The following CBFA2T3 variants were observed in gnomAD, a reference collection of about 807,000 sequenced individuals.
CBFA2T3 encodes transcriptional corepressor CBFA2T3.
Under a neutral mutation model 58.6 loss-of-function variants are expected in CBFA2T3, and 31 were observed. The ratio of observed to expected loss-of-function variants is 0.53; its 90% confidence interval spans 0.40 to 0.71. The LOEUF is 0.71. Ranked by LOEUF, CBFA2T3 falls within the 30% of genes least tolerant of loss-of-function variation. The pLI is 0.00. For missense variants in CBFA2T3, 1,076 were observed against 963.1 expected, an observed-to-expected ratio of 1.12 and a Z score of -1.55; for synonymous variants, 531 against 421.9, an observed-to-expected ratio of 1.26 and a Z score of -3.17.
In CBFA2T3 at chr16:88,976,604, A is replaced by C. The variant is rs1048040938; in HGVS notation, c.151+53T>G. On this transcript the variant is annotated intron_variant, in intron 1 of 11. Coordinates refer to ENST00000268679, the MANE Select transcript of CBFA2T3 (RefSeq NM_005187.6). ...AGCTCTAAGGAGTCACAGCCCCGGC[A>C]CCGGCTGCCGCTCTCTGCCCCCACC... 2.2e-6 allele frequency: 3 copies of C among 1,388,508 alleles called. No homozygotes were observed. The African/African-American group carries it at 4.3e-5, about 20-fold the overall frequency. The allele number at this position is 1,388,508 out of a possible 1,614,324, so 86.0% of individuals were successfully genotyped here.
intron 1 of CBFA2T3, among the ~76,000 whole-genome samples, chr16:88,952,868 C>T (rs1972113594): frequency 6.6e-6 from 1 of 151,972 alleles, no homozygotes; most frequent in Non-Finnish European, 1.5e-5. Context: ...CCCCCCCACC[C>T]CCACACCCTG....
At chr16:88,884,202 C>T (rs964855489) in intron 7 of CBFA2T3, 1 of 152,438 alleles carries the variant, frequency 6.6e-6, no homozygotes, top group East Asian at 1.9e-4. Context: ...TGCCTGGGCC[C>T]TGGAACCCTC....
In CBFA2T3 at chr16:88,905,695, A is replaced by C. The variant is rs1597705419; in HGVS notation, c.152-4039T>G. 3.7e-5 allele frequency among the ~76,000 whole-genome samples: 4 copies of C among 109,472 alleles called. No homozygotes were observed. The South Asian group carries it at 1.4e-3, about 39-fold the overall frequency. 71.8% of individuals were successfully genotyped at this position (109,472 alleles called of 152,430 possible). ...TGGGGCTGAAGGAGGGGCGGGGCTG[A>C]AGGAGGGGCGGGGCTGGAGGGGCGG... On this transcript the variant is annotated intron_variant, in intron 1 of 11. Coordinates refer to ENST00000268679, the MANE Select transcript of CBFA2T3 (RefSeq NM_005187.6).
In CBFA2T3 at chr16:88,885,329, T is replaced by G; in HGVS notation, c.894-60A>C. 8.0e-7 allele frequency: 1 copy of G among 1,244,452 alleles called. No homozygotes were observed. Among genetic ancestry groups the G allele is most frequent in the African/African-American group, 1.5e-5 (1 of 65,480 alleles). 77.1% of individuals were successfully genotyped at this position (1,244,452 alleles called of 1,614,324 possible). A position where few individuals can be genotyped will look rare whatever the true frequency, so the allele number is the denominator to read the frequency against. Reference sequence around the variant, plus strand: ...ACATAGGATGAACCGGGGACAGAGGTGCAGGTGGGGTGAGAGGCAGACAGG... The same window carrying G: ...ACATAGGATGAACCGGGGACAGAGGGGCAGGTGGGGTGAGAGGCAGACAGG... On this transcript the variant is annotated intron_variant, in intron 6 of 11. Coordinates refer to ENST00000268679, the MANE Select transcript of CBFA2T3 (RefSeq NM_005187.6). The surrounding 1 kb of genome is among the most constrained non-coding windows in gnomAD (Gnocchi z 5.3).
At chr16:88,973,421 G>A (rs928643034) in intron 1 of CBFA2T3, among the ~76,000 whole-genome samples, 7 of 152,134 alleles carry the variant, frequency 4.6e-5, no homozygotes, top group Non-Finnish European at 5.9e-5. Context: ...CCTTAGTTTC[G>A]GACTTCCAGC....
At chr16:88,905,724 TGAA>T (rs1239770112) in intron 1 of CBFA2T3, among the ~76,000 whole-genome samples, 8 of 55,762 alleles carry the variant, frequency 1.4e-4, no homozygotes, top group African/African-American at 3.9e-4. Context: ...GGGGCGGGGC[TGAA>T]GGAGGGGCGG....
In CBFA2T3 at chr16:88,881,279, C is replaced by G; in HGVS notation, c.1402+12G>C. 1.3e-6 allele frequency: 2 copies of G among 1,595,282 alleles called. No individual in the cohort carries two copies. The highest frequency in any genetic ancestry group is 1.7e-6 in the Non-Finnish European group (2 of 1,172,642). On this transcript the variant is annotated intron_variant, in intron 9 of 11. Coordinates refer to ENST00000268679, the MANE Select transcript of CBFA2T3 (RefSeq NM_005187.6). ...CCCGTGTCTGCTCCCTCCCCCCACA[C>G]CCCACACGCACCTAGCTGAGGCCCT... is the stretch of plus-strand genomic sequence containing the variant.
chr16:88,921,796 C>G (rs917527163), intron 1 of CBFA2T3, among the ~76,000 whole-genome samples: 1 of 152,272 alleles, frequency 6.6e-6, no homozygotes, highest in Non-Finnish European at 1.5e-5. Context: ...GAAGTTGCTT[C>G]CTCGGCGGCA....
intron 1 of CBFA2T3, among the ~76,000 whole-genome samples, chr16:88,962,975 C>T (rs774350878): frequency 1.8e-4 from 28 of 152,228 alleles, no homozygotes; most frequent in Non-Finnish European, 3.4e-4. Flanking sequence ...CGCCACCCCA[C>T]TCTGTGGTTT....
At chr16:88,932,257 C>A (rs1028025930) in intron 1 of CBFA2T3, among the ~76,000 whole-genome samples, 8 of 139,856 alleles carry the variant, frequency 5.7e-5, no homozygotes, top group African/African-American at 2.7e-5. Flanking sequence ...CCTCACACGG[C>A]CCCCACTTCC....
chr16:88,882,465 G>A (rs1313112237), intron 8 of CBFA2T3, among the ~76,000 whole-genome samples: 1 of 146,036 alleles, frequency 6.8e-6, no homozygotes, highest in African/African-American at 2.5e-5. Flanking sequence ...GTGGCTGTGT[G>A]CGTGGGGGTG....
At chr16:88,924,942 G>C (rs1013915679) in intron 1 of CBFA2T3, among the ~76,000 whole-genome samples, 3 of 152,242 alleles carry the variant, frequency 2.0e-5, no homozygotes, top group African/African-American at 7.2e-5. Context: ...CCACGTGTGG[G>C]TGCAGACAGT....
intron 7 of CBFA2T3, 56 bp from the exon 8 acceptor site, chr16:88,882,817 T>C: frequency 8.2e-7 from 1 of 1,212,240 alleles, no homozygotes; most frequent in Non-Finnish European, 1.2e-6. Flanking sequence ...CTCTGCCCTA[T>C]TCTCCCAGAC....
Position 88,877,051 on chromosome 16 carries a change from G to A in CBFA2T3, c.1887C>T (p.Ser629=), listed in dbSNP as rs750626340. The A allele has an allele frequency of 5.9e-6, 9 of 1,516,998 alleles. 1 individual carries two copies. The highest frequency in any genetic ancestry group is 4.8e-5 in the South Asian group (4 of 82,512). The allele number at this position is 1,516,998 out of a possible 1,614,324, so 94.0% of individuals were successfully genotyped here. A position where few individuals can be genotyped will look rare whatever the true frequency, so the allele number is the denominator to read the frequency against. The change falls in exon 12 of 12, where the codon AGC becomes AGT. Residue 629 remains serine (S), a synonymous_variant. Coordinates refer to ENST00000268679, the MANE Select transcript of CBFA2T3 (RefSeq NM_005187.6). ...PSLPVGAASP[S]EAGSAGPSRP... The stretch of plus-strand genomic sequence containing the variant: ...GAGAAGGCCCCGCAGAGCCGGCTTC[G>A]CTGGGGCTGGCAGCACCCACAGGCA...
rs996668828 is a variant in CBFA2T3 at position 88,905,536 on chromosome 16, G to A, written c.152-3880C>T. ...GCCCCCCAGGATGCAGCTCGCCCAG[G>A]GTAGCCTTCAAAGGAAGGCCCCCAG... On this transcript the variant is annotated intron_variant, in intron 1 of 11. Coordinates refer to ENST00000268679, the MANE Select transcript of CBFA2T3 (RefSeq NM_005187.6). Among the ~76,000 whole-genome samples, 8 of 151,784 alleles carry A rather than the reference G, an allele frequency of 5.3e-5. No individual in the cohort carries two copies. In the East Asian group the frequency reaches 1.6e-3, roughly 29 times the overall value.
chr16:88,900,573 G>A (rs754066759), intron 2 of CBFA2T3, among the ~76,000 whole-genome samples: 14 of 152,174 alleles, frequency 9.2e-5, no homozygotes, highest in Admixed American at 7.2e-4. Flanking sequence ...CAGGCTCCCC[G>A]CCCAGAGAGG....
intron 1 of CBFA2T3, among the ~76,000 whole-genome samples, chr16:88,916,048 A>G (rs2142719644): frequency 6.7e-6 from 1 of 149,516 alleles, no homozygotes; most frequent in East Asian, 2.0e-4. Flanking sequence ...TCGTGTACAC[A>G]TGGGTGTATG....
intron 2 of CBFA2T3, 24 bp downstream of exon 2, chr16:88,901,480 G>A (rs564208676): frequency 4.8e-5 from 66 of 1,379,592 alleles, no homozygotes; most frequent in Middle Eastern, 2.3e-4. Flanking sequence ...CCTGGCCCTC[G>A]GCTGCCAGGT....
intron 7 of CBFA2T3, 94 bp from the exon 8 acceptor site, chr16:88,882,855 G>C (rs928386715): frequency 2.4e-5 from 21 of 864,900 alleles, no homozygotes; most frequent in Non-Finnish European, 3.7e-5. Context: ...GGCCCCACCC[G>C]TGGGCTGTGC....
Sources: allele counts gnomAD v4.1 joint callset (sites outside exome capture counted in the v4.1 genomes callset), GRCh38; gene constraint gnomAD v4.1.1; non-coding constraint Gnocchi (gnomAD v3.1); transcripts MANE v1.5; gene names NCBI Gene and HGNC (gene_info 2026-07-23, HGNC 2026-07-21).